The following RIN3 variants were observed in gnomAD, a reference collection of about 807,000 sequenced individuals.
RIN3 encodes RAB5 interacting protein 3.
Under a neutral mutation model 76.3 loss-of-function variants are expected in RIN3, and 54 were observed. The ratio of observed to expected loss-of-function variants is 0.71; its 90% CI spans 0.57 to 0.89. The LOEUF is 0.89. Ranked by LOEUF, RIN3 falls within the 40% of genes least tolerant of loss-of-function variation. RIN3 has a pLI of 0.00. For synonymous variants in RIN3, 576 were observed against 564.0 expected (o/e 1.02, Z -0.30); for missense variants, 1,256 against 1,322.1 (o/e 0.95, Z 0.78).
chr14:92,596,568 TTAA>T (rs1228546859), intron 3 of RIN3, among the ~76,000 whole-genome samples: 3 of 152,084 alleles, frequency 2.0e-5, no homozygotes, highest in Admixed American at 1.3e-4. Flanking sequence ...AGTAGAGGAG[TTAA>T]TAATCAATCC....
chr14:92,657,563 C>T (rs919136424), intron 6 of RIN3, among the ~76,000 whole-genome samples: 14 of 152,104 alleles, frequency 9.2e-5, no homozygotes, highest in African/African-American at 3.1e-4. Flanking sequence ...GGCGTGGGCA[C>T]AGCCCTCTCA....
chr14:92,557,927 T>G (rs938044721), intron 2 of RIN3, among the ~76,000 whole-genome samples: 2 of 152,214 alleles, frequency 1.3e-5, no homozygotes, highest in Non-Finnish European at 2.9e-5. Context: ...GAAGGACATG[T>G]GCAGGGCAGG....
rs145266210 is a variant in RIN3 at position 92,544,096 on chromosome 14, T to C, written c.45-11655T>C. Among the ~76,000 whole-genome samples the C allele has an allele frequency of 2.0e-3, 312 of 152,234 alleles. 1 individual carries two copies. Among genetic ancestry groups the C allele is most frequent in the African/African-American group, 7.3e-3 (302 of 41,534 alleles). On this transcript the variant is annotated intron_variant, in intron 1 of 9. Coordinates refer to ENST00000216487, the MANE Select transcript of RIN3 (RefSeq NM_024832.5). The stretch of plus-strand genomic sequence containing the variant: ...GGGTTCTTTAGTTACACTGTCCCAT[T>C]CAACCCTCATGCAGTCCTTGAGCTG...
chr14:92,640,304 C>T (rs1196343377), intron 4 of RIN3, among the ~76,000 whole-genome samples: 1 of 113,822 alleles, frequency 8.8e-6, no homozygotes, highest in Non-Finnish European at 1.8e-5. Flanking sequence ...GTGTGTTCAT[C>T]GGGGGCTGCC....
chr14:92,546,679 T>C (rs1897273204), intron 1 of RIN3, among the ~76,000 whole-genome samples: 1 of 151,916 alleles, frequency 6.6e-6, no homozygotes, highest in South Asian at 2.1e-4. Flanking sequence ...ATTGTTATGA[T>C]AGTGGGCGTA....
At chr14:92,547,831 G>C (rs1897323922) in intron 1 of RIN3, among the ~76,000 whole-genome samples, 1 of 152,164 alleles carries the variant, frequency 6.6e-6, no homozygotes, top group Non-Finnish European at 1.5e-5. Context: ...AGCCTTCCAA[G>C]TAGCTGGGAT....
chr14:92,673,654 C>T (rs890402878), intron 7 of RIN3, among the ~76,000 whole-genome samples: 1 of 152,170 alleles, frequency 6.6e-6, no homozygotes, highest in Non-Finnish European at 1.5e-5. Context: ...TACAGGCTTA[C>T]GCCACCACTC....
rs147614557 is a variant in RIN3, at chr14:92,652,778, A to G, written c.1729A>G (p.Lys577Glu). The change falls in exon 6 of 10, where the codon AAG becomes GAG. Residue 577 changes from lysine to glutamate, a missense_variant. Lys to Glu is a moderately conservative substitution (Grantham distance 56). Around this residue, in one of 3 missense-constraint regions of RIN3, gnomAD observed 428 missense variants for 521.2 expected, o/e 0.82. Transcript: ENST00000216487. This position sits in a 1 kb window ranked among gnomAD's most constrained non-coding sequence, Gnocchi z 6.4. ...GAAGAAGCCCTCCATGATCCTGGGC[A>G]AGGCTCGGCACCGGCTGAGCTTTGC... ...VKKKPSMILGKARHRLSFASF... is the reference protein window; with the variant it reads ...VKKKPSMILGEARHRLSFASF... The G allele has an allele frequency of 3.4e-4, 553 of 1,613,888 alleles. No homozygotes were observed. The highest frequency in any genetic ancestry group is 4.2e-4 in the Non-Finnish European group (491 of 1,180,042).
At chr14:92,672,487 C>T (rs943068695) in intron 7 of RIN3, among the ~76,000 whole-genome samples, 1 of 152,198 alleles carries the variant, frequency 6.6e-6, no homozygotes, top group Non-Finnish European at 1.5e-5. Flanking sequence ...GTTACTCACA[C>T]CAGGCTAGAA....
intron 3 of RIN3, among the ~76,000 whole-genome samples, chr14:92,580,145 G>C (rs1227235916): frequency 6.6e-6 from 1 of 152,236 alleles, no homozygotes; most frequent in Non-Finnish European, 1.5e-5. Flanking sequence ...GGGAGGCCGA[G>C]GCAGGCGGAT....
chr14:92,666,484 T>C (rs1888110204), intron 7 of RIN3, among the ~76,000 whole-genome samples: 1 of 152,150 alleles, frequency 6.6e-6, no homozygotes, highest in Non-Finnish European at 1.5e-5. Context: ...TCTTCTCCTG[T>C]CACAAGTTTA....
chr14:92,583,666 C>T (rs1204750073), intron 3 of RIN3, among the ~76,000 whole-genome samples: 4 of 152,134 alleles, frequency 2.6e-5, no homozygotes, highest in African/African-American at 9.7e-5. Context: ...TTAGAAGTAA[C>T]CTAGAAATGA....
At chr14:92,666,818 C>G (rs1223343992) in intron 7 of RIN3, among the ~76,000 whole-genome samples, 4 of 152,058 alleles carry the variant, frequency 2.6e-5, no homozygotes. Context: ...GAATGCCGAG[C>G]AGGAGGCATC....
At chr14:92,599,905 A>C (rs1183680373) in intron 3 of RIN3, among the ~76,000 whole-genome samples, 1 of 152,158 alleles carries the variant, frequency 6.6e-6, no homozygotes, top group African/African-American at 2.4e-5. Context: ...GACTCTGTGG[A>C]TATAATTGCC....
chr14:92,592,917 A>G (rs938177366), intron 3 of RIN3, among the ~76,000 whole-genome samples: 1 of 151,042 alleles, frequency 6.6e-6, no homozygotes, highest in African/African-American at 2.4e-5. Context: ...CAGATGATCC[A>G]CCTGCCTCGG....
intron 4 of RIN3, among the ~76,000 whole-genome samples, chr14:92,632,890 G>C (rs144827196): frequency 6.6e-6 from 1 of 152,214 alleles, no homozygotes; most frequent in African/African-American, 2.4e-5. Context: ...CATAATGGGT[G>C]GGAGGTAAAA....
At chr14:92,540,755 TG>T (rs1301809994) in intron 1 of RIN3, among the ~76,000 whole-genome samples, 1 of 152,128 alleles carries the variant, frequency 6.6e-6, no homozygotes, top group East Asian at 1.9e-4. Context: ...GGCTGTTCAC[TG>T]GGGCAGGGCC....
chr14:92,671,459 T>C (rs151146356), intron 7 of RIN3, among the ~76,000 whole-genome samples: 6 of 152,120 alleles, frequency 3.9e-5, no homozygotes, highest in Non-Finnish European at 8.8e-5. Context: ...AGTTGGAAGA[T>C]GGAAAGTAGA....
intron 1 of RIN3, among the ~76,000 whole-genome samples, chr14:92,550,093 A>G (rs999305719): frequency 2.6e-5 from 4 of 152,154 alleles, no homozygotes; most frequent in African/African-American, 9.7e-5. Flanking sequence ...GCCAGTTGAT[A>G]AGTGTCATCA....
Sources: gnomAD v4.1 joint callset for allele counts (sites outside exome capture counted in the v4.1 genomes callset) on GRCh38, gnomAD v4.1.1 for gene constraint, gnomAD v4.1.1 regional missense constraint, Gnocchi (gnomAD v3.1) non-coding constraint, MANE v1.5 for transcripts, NCBI Gene and HGNC (gene_info 2026-07-23, HGNC 2026-07-21) for gene names.